Variants in NBAS observed in about 807,000 individuals in gnomAD.
NBAS encodes NAG/BC035112 fusion.
NBAS carries 219 observed loss-of-function variants against 302.5 expected under a neutral mutation model. The observed-to-expected ratio is 0.72, with a 90% CI of 0.65 to 0.81. The LOEUF is 0.81. NBAS is among the 30% of genes least tolerant of loss of function. NBAS has a pLI of 0.00. For missense variants in NBAS, 2,932 were observed against 2,841.6 expected, an observed-to-expected ratio of 1.03 and a Z score of -0.72; for synonymous variants, 1,118 against 1,021.6, an observed-to-expected ratio of 1.09 and a Z score of -1.80.
At chr2:15,104,695 C>T in the NBAS span, among the ~76,000 whole-genome samples, 1 of 152,186 alleles carries the variant, frequency 6.6e-6, no homozygotes, top group Non-Finnish European at 1.5e-5. Context: ...TGTTTCTCCA[C>T]ATCCTCTCCA....
At chr2:15,389,001 T>A (rs568486807) in intron 28 of NBAS, among the ~76,000 whole-genome samples, 5 of 152,288 alleles carry the variant, frequency 3.3e-5, no homozygotes, top group African/African-American at 1.2e-4. Flanking sequence ...CATATATATA[T>A]ACACTCAGTT....
chr2:14,783,318 T>TGTA, the NBAS span, among the ~76,000 whole-genome samples: 3 of 151,504 alleles, frequency 2.0e-5, no homozygotes, highest in Non-Finnish European at 4.4e-5. Context: ...AATTCTTTTT[T>TGTA]TTATTATTAT....
the NBAS span, among the ~76,000 whole-genome samples, chr2:14,917,065 T>C: frequency 6.6e-6 from 1 of 152,246 alleles, no homozygotes; most frequent in African/African-American, 2.4e-5. Context: ...TCAGAAAATT[T>C]TAAATGAATG....
At chr2:14,858,815 A>G in the NBAS span, among the ~76,000 whole-genome samples, 1 of 152,088 alleles carries the variant, frequency 6.6e-6, no homozygotes, top group East Asian at 1.9e-4. Context: ...AAAAACTAAA[A>G]GAATATAATT....
chr2:15,024,233 T>C, the NBAS span, among the ~76,000 whole-genome samples: 20 of 152,064 alleles, frequency 1.3e-4, no homozygotes, highest in African/African-American at 4.3e-4. Flanking sequence ...ATTGGTTTTC[T>C]GTTTCTCCAT....
At chr2:14,836,320 A>G in the NBAS span, among the ~76,000 whole-genome samples, 6,486 of 151,832 alleles carry the variant, frequency 0.043, 171 homozygotes, top group Non-Finnish European at 0.055. Flanking sequence ...ATTTTATCTC[A>G]TGGTTAATGC....
At chr2:15,248,728 A>C (rs1157475879) in intron 44 of NBAS, among the ~76,000 whole-genome samples, 1 of 152,196 alleles carries the variant, frequency 6.6e-6, no homozygotes, top group Non-Finnish European at 1.5e-5. Context: ...AAATGGATAA[A>C]TTCCTGGACA....
chr2:14,818,826 G>T, the NBAS span, among the ~76,000 whole-genome samples: 4 of 152,296 alleles, frequency 2.6e-5, no homozygotes, highest in South Asian at 8.3e-4. Context: ...TCTGCTCTCC[G>T]GGTACTGAAG....
chr2:14,990,132 G>T, the NBAS span, among the ~76,000 whole-genome samples: 2 of 151,456 alleles, frequency 1.3e-5, no homozygotes, highest in African/African-American at 4.9e-5. Flanking sequence ...GTTAAAACAG[G>T]CCAGGTGCAG....
chr2:15,206,350 G>A (rs916352905), intron 48 of NBAS, among the ~76,000 whole-genome samples: 21 of 152,024 alleles, frequency 1.4e-4, no homozygotes, highest in Non-Finnish European at 1.3e-4. Context: ...GACAGAGATG[G>A]TCTGATATTG....
At chr2:15,394,839 TTCTC>T (rs528908067) in intron 27 of NBAS, among the ~76,000 whole-genome samples, 48 of 152,186 alleles carry the variant, frequency 3.2e-4, no homozygotes, top group African/African-American at 1.1e-3. Flanking sequence ...ATGTCAAAAA[TTCTC>T]TCTGTCTCAT....
At chr2:15,277,143 C>T in intron 42 of NBAS, 42 bp from the exon 43 acceptor site, 1 of 1,568,348 alleles carries the variant, frequency 6.4e-7, no homozygotes, top group East Asian at 2.4e-5. Context: ...GATTTTGTTC[C>T]TTTATTAAAG....
rs937665646 is a variant in NBAS, at chr2:15,364,128, G to A, written c.3817+2452C>T. ...AACCTTCAGCCCCATTAGAGCCTTC[G>A]GGTGAGGTCTGTAAATATTCCCCTT... On this transcript the variant is annotated intron_variant, in intron 32 of 51. Transcript: ENST00000281513. 3.3e-5 allele frequency among the ~76,000 whole-genome samples: 5 copies of A among 152,188 alleles called. No homozygotes were observed. The East Asian group carries it at 7.7e-4, about 23-fold the overall frequency.
the NBAS span, among the ~76,000 whole-genome samples, chr2:14,971,853 C>T: frequency 3.9e-5 from 6 of 152,292 alleles, no homozygotes; most frequent in Admixed American, 1.3e-4. Context: ...ACCATAAATA[C>T]TAAATTTTCA....
the NBAS span, among the ~76,000 whole-genome samples, chr2:15,019,098 C>T: frequency 4.6e-5 from 7 of 152,234 alleles, no homozygotes; most frequent in Middle Eastern, 3.4e-3. Flanking sequence ...TATATCAAGC[C>T]ATGTCTAATT....
At chr2:14,807,912 GTCTC>G in the NBAS span, among the ~76,000 whole-genome samples, 12 of 150,972 alleles carry the variant, frequency 7.9e-5, no homozygotes, top group East Asian at 1.9e-4. Context: ...ATCCCTCTCT[GTCTC>G]TCTCTCTCTC....
the NBAS span, among the ~76,000 whole-genome samples, chr2:14,892,675 T>C: frequency 6.6e-6 from 1 of 152,186 alleles, no homozygotes; most frequent in East Asian, 1.9e-4. Context: ...ATGCTCTTTT[T>C]TTTTTTCTTC....
chr2:15,203,373 A>G (rs1008843659), intron 48 of NBAS, among the ~76,000 whole-genome samples: 1 of 152,204 alleles, frequency 6.6e-6, no homozygotes, highest in Non-Finnish European at 1.5e-5. Flanking sequence ...TACACATATG[A>G]AGCCTAATGT....
At chr2:14,864,910 G>A in the NBAS span, among the ~76,000 whole-genome samples, 1 of 152,184 alleles carries the variant, frequency 6.6e-6, no homozygotes, top group Non-Finnish European at 1.5e-5. Flanking sequence ...ATTAAAGATA[G>A]TGTACAATTG....
Sources: allele counts gnomAD v4.1 joint callset (sites outside exome capture counted in the v4.1 genomes callset), GRCh38; gene constraint gnomAD v4.1.1; transcripts MANE v1.5; gene names NCBI Gene and HGNC (gene_info 2026-07-23, HGNC 2026-07-21).